PTPRK: variants seen among roughly 807,000 people sequenced by gnomAD.
PTPRK encodes the protein receptor-type tyrosine-protein phosphatase kappa.
In PTPRK, 75 loss-of-function variants were observed where a neutral mutation model predicts 178.0. The ratio of observed to expected loss-of-function variants is 0.42; its 90% CI spans 0.35 to 0.51. The LOEUF (loss-of-function observed/expected upper bound fraction) is 0.51, where lower values mean the gene tolerates loss of function less well. Among genes scored for constraint, PTPRK ranks in the 20% least tolerant of loss-of-function variants. The pLI is 0.02. For missense variants in PTPRK, 1,441 were observed against 1,797.8 expected, an observed-to-expected ratio of 0.80 and a Z score of 3.59; for synonymous variants, 637 against 620.6, an observed-to-expected ratio of 1.03 and a Z score of -0.39.
Position 128,001,094 on chromosome 6 carries a change from G to A in PTPRK, c.2495-2190C>T. On this transcript the variant is annotated intron_variant, in intron 15 of 29. Coordinates refer to ENST00000368226, the MANE Select transcript of PTPRK (RefSeq NM_002844.4). ...ACCTAATAATGTGACTAGTAGTGAGGGTACACGTACTAATCATTATCCTTA... is the reference window on the plus strand; with the variant it reads ...ACCTAATAATGTGACTAGTAGTGAGAGTACACGTACTAATCATTATCCTTA... The A allele has an allele frequency of 3.4e-6, 3 of 874,096 alleles. No homozygotes were observed. In the Admixed American group the frequency reaches 8.1e-5, roughly 24 times the overall value. The allele number at this position is 874,096 out of a possible 1,614,324, so 54.1% of individuals were successfully genotyped here. A position where few individuals can be genotyped will look rare whatever the true frequency, so the allele number is the denominator to read the frequency against.
At chr6:128,505,318 G>T (rs1468223139) in intron 1 of PTPRK, among the ~76,000 whole-genome samples, 1 of 151,196 alleles carries the variant, frequency 6.6e-6, no homozygotes, top group Non-Finnish European at 1.5e-5. Flanking sequence ...GCACATGCCT[G>T]CTATCCCAGC....
At chr6:128,452,765 A>T (rs960583320) in intron 1 of PTPRK, among the ~76,000 whole-genome samples, 1 of 152,204 alleles carries the variant, frequency 6.6e-6, no homozygotes, top group Non-Finnish European at 1.5e-5. Flanking sequence ...TAATTGGGCC[A>T]TATTCTATAA....
rs146725924 is a variant in PTPRK at position 128,263,395 on chromosome 6, T to G, written c.496-20793A>C. Among the ~76,000 whole-genome samples, 384 of 152,224 alleles carry G rather than the reference T, an allele frequency of 2.5e-3. 1 individual carries two copies. Among genetic ancestry groups the G allele is most frequent in the African/African-American group, 8.8e-3 (366 of 41,538 alleles). ...ACAAATGGCAGGGAATGACAGATCA[T>G]GGTTTGTGGCACTTGTTGATTTCAG... On this transcript the variant is annotated intron_variant, in intron 3 of 29. Transcript: ENST00000368226.
At chr6:128,053,377 C>T (rs768064891) in intron 13 of PTPRK, among the ~76,000 whole-genome samples, 27 of 152,110 alleles carry the variant, frequency 1.8e-4, no homozygotes, top group Non-Finnish European at 3.4e-4. Context: ...ACTGATAAGG[C>T]TCTGACATGC....
At chr6:128,346,180 T>C (rs1188215868) in intron 2 of PTPRK, among the ~76,000 whole-genome samples, 1 of 152,074 alleles carries the variant, frequency 6.6e-6, no homozygotes, top group Non-Finnish European at 1.5e-5. Context: ...CACAATCTCA[T>C]AGAATTCTAT....
At chr6:128,463,265 T>A (rs910153980) in intron 1 of PTPRK, among the ~76,000 whole-genome samples, 5 of 152,192 alleles carry the variant, frequency 3.3e-5, no homozygotes, top group Non-Finnish European at 5.9e-5. Flanking sequence ...TCCAAGTTTG[T>A]CCTATATTCT....
At chr6:128,297,336 G>A (rs961468088) in intron 3 of PTPRK, among the ~76,000 whole-genome samples, 1 of 152,134 alleles carries the variant, frequency 6.6e-6, no homozygotes, top group Non-Finnish European at 1.5e-5. Flanking sequence ...AGTTAACAAG[G>A]ATACCCAGGA....
chr6:128,239,474 T>C (rs1813979402), intron 5 of PTPRK, among the ~76,000 whole-genome samples: 1 of 152,134 alleles, frequency 6.6e-6, no homozygotes, highest in African/African-American at 2.4e-5. Flanking sequence ...CATTTACAGT[T>C]CCCCAACATG....
At chr6:127,985,115 G>A (rs1353461225) in intron 22 of PTPRK, among the ~76,000 whole-genome samples, 1 of 152,170 alleles carries the variant, frequency 6.6e-6, no homozygotes, top group East Asian at 1.9e-4. Context: ...ATGAGGCCAT[G>A]TAATTTGCTT....
intron 3 of PTPRK, among the ~76,000 whole-genome samples, chr6:128,296,165 T>A (rs1030123549): frequency 6.6e-6 from 1 of 152,086 alleles, no homozygotes; most frequent in African/African-American, 2.4e-5. Flanking sequence ...CTCACTGCCA[T>A]CTAGCCACAG....
At chr6:128,071,672 T>C in intron 11 of PTPRK, among the ~76,000 whole-genome samples, 1 of 152,128 alleles carries the variant, frequency 6.6e-6, no homozygotes, top group South Asian at 2.1e-4. Context: ...TATTTCTACC[T>C]TTTTTCATGC....
intron 7 of PTPRK, among the ~76,000 whole-genome samples, chr6:128,164,271 T>C (rs966783728): frequency 1.3e-5 from 2 of 151,430 alleles, no homozygotes; most frequent in Non-Finnish European, 3.0e-5. Context: ...AGTTCAGAAG[T>C]ATAGCTTAGC....
chr6:128,019,148 C>T (rs1228300377), intron 13 of PTPRK, among the ~76,000 whole-genome samples: 1 of 152,162 alleles, frequency 6.6e-6, no homozygotes, highest in Non-Finnish European at 1.5e-5. Context: ...AAAAGTCCAA[C>T]TCCAGTTTTC....
At chr6:128,349,877 C>T (rs1278084524) in intron 2 of PTPRK, among the ~76,000 whole-genome samples, 1 of 151,972 alleles carries the variant, frequency 6.6e-6, no homozygotes, top group African/African-American at 2.4e-5. Flanking sequence ...GGTCAGGTGA[C>T]CACATAAGTC....
At chr6:128,459,591 A>G (rs566957779) in intron 1 of PTPRK, among the ~76,000 whole-genome samples, 1 of 152,332 alleles carries the variant, frequency 6.6e-6, no homozygotes, top group East Asian at 1.9e-4. Context: ...TATAGACTGC[A>G]AGAAAATGCT....
chr6:128,216,853 A>G (rs1583527652), intron 6 of PTPRK, among the ~76,000 whole-genome samples: 1 of 152,316 alleles, frequency 6.6e-6, no homozygotes, highest in South Asian at 2.1e-4. Flanking sequence ...CAGGTCTTCT[A>G]CAATCTTTTG....
At chr6:128,362,951 A>C (rs1052403049) in intron 2 of PTPRK, among the ~76,000 whole-genome samples, 1 of 152,188 alleles carries the variant, frequency 6.6e-6, no homozygotes, top group Non-Finnish European at 1.5e-5. Flanking sequence ...ACTATTATGA[A>C]ATAGGTCCTC....
chr6:128,329,590 A>C (rs1830007944), intron 2 of PTPRK, among the ~76,000 whole-genome samples: 1 of 152,126 alleles, frequency 6.6e-6, no homozygotes, highest in African/African-American at 2.4e-5. Context: ...CATTGGTGTA[A>C]GTTCCAATCT....
At chr6:128,102,898 C>T (rs1246551225) in intron 7 of PTPRK, among the ~76,000 whole-genome samples, 1 of 152,074 alleles carries the variant, frequency 6.6e-6, no homozygotes, top group Admixed American at 6.5e-5. Context: ...TTGATATAGA[C>T]AAGAGGCAGG....
Sources: allele counts gnomAD v4.1 joint callset (sites outside exome capture counted in the v4.1 genomes callset), GRCh38; gene constraint gnomAD v4.1.1; transcripts MANE v1.5; gene names NCBI Gene and HGNC (gene_info 2026-07-23, HGNC 2026-07-21).